The following DLG2 variants were observed in gnomAD, a reference collection of about 807,000 sequenced individuals.
DLG2 encodes the protein discs large MAGUK scaffold protein 2.
A neutral mutation model predicts 132.5 loss-of-function variants in DLG2; 45 were observed. The ratio of observed to expected loss-of-function variants is 0.34; its 90% CI spans 0.27 to 0.44. The LOEUF is 0.44. Ranked by LOEUF, DLG2 falls within the 20% of genes least tolerant of loss-of-function variation. The pLI, the probability that DLG2 is intolerant of heterozygous loss-of-function variation, is 1.00. For synonymous variants in DLG2, 424 were observed against 419.6 expected, an observed-to-expected ratio of 1.01 and a Z score of -0.13; for missense variants, 1,045 against 1,196.9, an observed-to-expected ratio of 0.87 and a Z score of 1.87.
intron 3 of DLG2, among the ~76,000 whole-genome samples, chr11:85,558,660 G>A (rs2077060414): frequency 1.3e-5 from 2 of 151,778 alleles, no homozygotes; most frequent in African/African-American, 4.8e-5. Context: ...CAGAGCTGAA[G>A]GCCATTATCC....
intron 16 of DLG2, among the ~76,000 whole-genome samples, chr11:83,844,383 GAA>G (rs111612093): frequency 0.036 from 5,028 of 141,066 alleles, 268 homozygotes; most frequent in African/African-American, 0.12. Context: ...CATCTCTATT[GAA>G]AAAAAAAAAA....
chr11:84,063,895 T>C (rs949197951), intron 10 of DLG2, among the ~76,000 whole-genome samples: 1 of 142,930 alleles, frequency 7.0e-6, no homozygotes, highest in Admixed American at 7.8e-5. Context: ...ATCTCACTCA[T>C]AGGTGGGAAT....
At chr11:84,565,502 C>T (rs2099449783) in intron 6 of DLG2, among the ~76,000 whole-genome samples, 1 of 152,104 alleles carries the variant, frequency 6.6e-6, no homozygotes, top group African/African-American at 2.4e-5. Context: ...TCATACAGAG[C>T]ACTATAGATG....
chr11:85,593,177 G>T (rs2079485052), intron 3 of DLG2, among the ~76,000 whole-genome samples: 1 of 152,086 alleles, frequency 6.6e-6, no homozygotes, highest in Non-Finnish European at 1.5e-5. Context: ...GCTCATTATA[G>T]TCGTTACAGA....
At chr11:84,988,586 T>C (rs572817383) in intron 6 of DLG2, among the ~76,000 whole-genome samples, 8 of 152,184 alleles carry the variant, frequency 5.3e-5, no homozygotes, top group Non-Finnish European at 1.0e-4. Flanking sequence ...CTGGATGAGA[T>C]TGGAGACTAT....
intron 6 of DLG2, among the ~76,000 whole-genome samples, chr11:84,963,714 A>C (rs1475727603): frequency 6.6e-6 from 1 of 152,158 alleles, no homozygotes; most frequent in Non-Finnish European, 1.5e-5. Context: ...TATAGCACAA[A>C]ATAAGTGCTC....
chr11:84,546,786 C>A, intron 6 of DLG2: 1 of 253,540 alleles, frequency 3.9e-6, no homozygotes, highest in Non-Finnish European at 8.1e-6. Flanking sequence ...AAACCTCAAC[C>A]CTCCAATGAA....
At chr11:85,446,903 T>C (rs1356786619) in intron 3 of DLG2, among the ~76,000 whole-genome samples, 1 of 152,086 alleles carries the variant, frequency 6.6e-6, no homozygotes, top group Non-Finnish European at 1.5e-5. Flanking sequence ...AGAAAAAGCT[T>C]TGTATATCAA....
chr11:83,889,860 A>T (rs981867596), intron 15 of DLG2, among the ~76,000 whole-genome samples: 9 of 151,328 alleles, frequency 5.9e-5, no homozygotes, highest in African/African-American at 2.2e-4. Flanking sequence ...TATCGCAAGA[A>T]CAAAAAACCA....
intron 3 of DLG2, among the ~76,000 whole-genome samples, chr11:85,544,707 C>G (rs1414950689): frequency 6.6e-6 from 1 of 152,190 alleles, no homozygotes; most frequent in Non-Finnish European, 1.5e-5. Flanking sequence ...AGATCCTTCA[C>G]ATCCCTTGTA....
intron 6 of DLG2, among the ~76,000 whole-genome samples, chr11:84,703,973 G>A (rs1279813893): frequency 6.9e-6 from 1 of 145,408 alleles, no homozygotes; most frequent in Non-Finnish European, 1.5e-5. Context: ...TTATTATATT[G>A]TTTTTTCCTC....
At chr11:83,974,152 G>A (rs78627000) in intron 12 of DLG2, among the ~76,000 whole-genome samples, 6,467 of 152,070 alleles carry the variant, frequency 0.043, 196 homozygotes, top group Non-Finnish European at 0.067. Flanking sequence ...GATATCTAAG[G>A]TTGGTATAAC....
chr11:85,300,977 G>A (rs2079550955), intron 3 of DLG2, among the ~76,000 whole-genome samples: 1 of 152,078 alleles, frequency 6.6e-6, no homozygotes, highest in South Asian at 2.1e-4. Flanking sequence ...GAGGCGGGAG[G>A]ATCACTTAAG....
chr11:84,033,673 T>C (rs896672420), intron 11 of DLG2, among the ~76,000 whole-genome samples: 1 of 152,202 alleles, frequency 6.6e-6, no homozygotes, highest in African/African-American at 2.4e-5. Context: ...CGGTACCACA[T>C]GCTACAAATA....
chr11:85,292,640 G>GGAAGGAAGGAAGGAAA, intron 3 of DLG2, among the ~76,000 whole-genome samples: 1 of 29,268 alleles, frequency 3.4e-5, no homozygotes, highest in Non-Finnish European at 8.4e-5. Flanking sequence ...AAGGAAGGAA[G>GGAAGGAAGGAAGGAAA]GAAGGAAGGA....
intron 6 of DLG2, among the ~76,000 whole-genome samples, chr11:84,670,023 G>A (rs2099704036): frequency 6.6e-6 from 1 of 152,186 alleles, no homozygotes; most frequent in African/African-American, 2.4e-5. Flanking sequence ...CTTTGGACTG[G>A]AGAATAAGGC....
chr11:84,810,821 TA>T (rs1223766659), intron 6 of DLG2, among the ~76,000 whole-genome samples: 1 of 152,044 alleles, frequency 6.6e-6, no homozygotes, highest in African/African-American at 2.4e-5. Context: ...TATGCTGAGT[TA>T]AAAAAAATCT....
intron 15 of DLG2, among the ~76,000 whole-genome samples, chr11:83,921,840 C>T (rs1312792301): frequency 1.7e-5 from 2 of 115,380 alleles, no homozygotes; most frequent in Admixed American, 8.9e-5. Flanking sequence ...GAGATATTAT[C>T]TCACTTTTAA....
At chr11:84,161,278 G>T (rs1255350221) in intron 9 of DLG2, among the ~76,000 whole-genome samples, 2 of 152,038 alleles carry the variant, frequency 1.3e-5, no homozygotes. Flanking sequence ...AGGTGGGGAG[G>T]GAAGAGAGGG....
Sources: allele counts gnomAD v4.1 joint callset (sites outside exome capture counted in the v4.1 genomes callset), GRCh38; gene constraint gnomAD v4.1.1; transcripts MANE v1.5; gene names NCBI Gene and HGNC (gene_info 2026-07-23, HGNC 2026-07-21).